Variants in AK8 observed in about 807,000 individuals in gnomAD.
AK8 encodes adenylate kinase 8, also known as ATP-AMP transphosphorylase 8.
A neutral mutation model predicts 54.6 loss-of-function variants in AK8; 44 were observed. The observed-to-expected ratio is 0.81, with a 90% confidence interval of 0.63 to 1.04. The LOEUF (loss-of-function observed/expected upper bound fraction) is 1.04. Ranked by LOEUF, AK8 falls within the 50% of genes least tolerant of loss-of-function variation. AK8 has a pLI of 0.00. For synonymous variants in AK8, 239 were observed against 245.6 expected (o/e 0.97, Z 0.25); for missense variants, 555 against 613.6 (o/e 0.90, Z 1.01).
intron 10 of AK8, among the ~76,000 whole-genome samples, chr9:132,795,311 G>A (rs1389925713): frequency 2.0e-5 from 3 of 149,120 alleles, no homozygotes; most frequent in African/African-American, 5.2e-5. Context: ...ACAGTGTTGG[G>A]GCTCCCCTCC....
intron 4 of AK8, among the ~76,000 whole-genome samples, chr9:132,859,360 C>T (rs2131398728): frequency 6.6e-6 from 1 of 152,158 alleles, no homozygotes. Flanking sequence ...GCTCAGCCTC[C>T]CAGGCAGCAG....
At chr9:132,809,259 C>T (rs1442979578) in intron 10 of AK8, among the ~76,000 whole-genome samples, 7 of 152,200 alleles carry the variant, frequency 4.6e-5, no homozygotes, top group Admixed American at 4.6e-4. Flanking sequence ...CACCAACCAG[C>T]AGCTCCTCTT....
intron 10 of AK8, among the ~76,000 whole-genome samples, chr9:132,800,987 C>T (rs529416614): frequency 1.2e-4 from 18 of 147,712 alleles, no homozygotes; most frequent in African/African-American, 3.0e-4. Flanking sequence ...TGCAGTGGCG[C>T]GATTTCGGAT....
At chr9:132,766,025 G>C (rs1838711833) in intron 11 of AK8, among the ~76,000 whole-genome samples, 1 of 152,178 alleles carries the variant, frequency 6.6e-6, no homozygotes, top group South Asian at 2.1e-4. Flanking sequence ...CAAAAAATTA[G>C]TAGCATTTCT....
chr9:132,785,360 C>T (rs1839649803), intron 11 of AK8, among the ~76,000 whole-genome samples: 1 of 152,178 alleles, frequency 6.6e-6, no homozygotes, highest in South Asian at 2.1e-4. Flanking sequence ...CCTCGGCCTC[C>T]CAAAGTGCTG....
At chr9:132,746,595 G>C (rs1384740107) in intron 11 of AK8, among the ~76,000 whole-genome samples, 1 of 152,224 alleles carries the variant, frequency 6.6e-6, no homozygotes, top group Non-Finnish European at 1.5e-5. Flanking sequence ...TTGCGCAACA[G>C]GGAGGCTCTA....
intron 5 of AK8, among the ~76,000 whole-genome samples, chr9:132,848,128 AAAAAAAAAAAAAAAAG>A (rs1842828474): frequency 1.4e-5 from 2 of 145,382 alleles, no homozygotes; most frequent in Non-Finnish European, 3.0e-5. Flanking sequence ...AAAAAAAAAA[AAAAAAAAAAAAAAAAG>A]ATTGAAGAGA....
intron 2 of AK8, among the ~76,000 whole-genome samples, chr9:132,868,638 G>C (rs2131428484): frequency 6.6e-6 from 1 of 152,176 alleles, no homozygotes; most frequent in East Asian, 1.9e-4. Flanking sequence ...AGGTGGAGTT[G>C]CTGTCCCCAC....
chr9:132,839,020 T>C (rs1045891092), intron 5 of AK8, among the ~76,000 whole-genome samples: 5 of 151,676 alleles, frequency 3.3e-5, no homozygotes, highest in African/African-American at 7.3e-5. Flanking sequence ...TCTCGGCTCA[T>C]TGCAACTCTG....
At chr9:132,765,686 T>C (rs1002005536) in intron 11 of AK8, among the ~76,000 whole-genome samples, 9 of 152,132 alleles carry the variant, frequency 5.9e-5, no homozygotes, top group Non-Finnish European at 8.8e-5. Context: ...AGTATATACC[T>C]TAACACAATA....
chr9:132,836,421 A>G (rs1842325560), intron 5 of AK8, among the ~76,000 whole-genome samples: 1 of 152,242 alleles, frequency 6.6e-6, no homozygotes, highest in Non-Finnish European at 1.5e-5. Context: ...AAGGAGTCCC[A>G]CTTAAGTTTG....
Position 132,725,689 on chromosome 9 carries a change from C to A in AK8, c.1439G>T (p.Ter480LeuextTer?). ...GCAGCGCTCCTGGCTCTGAACCCAT[C>A]AGGGGATTTTCTTGGGCAGGGGATT... is the stretch of plus-strand genomic sequence containing the variant. ...IINPLPKKIP[*>L] The change falls in exon 13 of 13, where the codon TGA becomes TTA. Residue 480 changes from the stop codon to leucine, a stop_lost. Coordinates refer to ENST00000298545, the MANE Select transcript of AK8 (RefSeq NM_152572.3). 1 of 1,572,210 alleles carries A rather than the reference C, an allele frequency of 6.4e-7. No individual in the cohort carries two copies. Among genetic ancestry groups the A allele is most frequent in the Non-Finnish European group, 8.7e-7 (1 of 1,155,412 alleles).
intron 11 of AK8, among the ~76,000 whole-genome samples, chr9:132,729,626 G>A (rs796973891): frequency 3.3e-5 from 5 of 152,154 alleles, no homozygotes; most frequent in African/African-American, 7.2e-5. Flanking sequence ...GCTGTGTCTC[G>A]GACACAGCAG....
rs1447826582 is a variant in AK8 at position 132,799,643 on chromosome 9, C to G, written c.980-6868G>C. 8.6e-5 allele frequency among the ~76,000 whole-genome samples: 13 copies of G among 151,962 alleles called. No individual in the cohort carries two copies. The highest frequency in any genetic ancestry group is 2.9e-4 in the African/African-American group (12 of 41,342). On this transcript the variant is annotated intron_variant, in intron 10 of 12. Transcript: ENST00000298545. This position sits in a 1 kb window ranked among gnomAD's most constrained non-coding sequence, Gnocchi z 5.0. Reference sequence around the variant, plus strand: ...ACACCCCCACACCCCTACACCCCACCACGTGCACAACACATACTGTATACC... The same window carrying G: ...ACACCCCCACACCCCTACACCCCACGACGTGCACAACACATACTGTATACC...
At position 132,770,135 on chromosome 9, in the gene AK8, G is replaced by A. The variant is rs1164337099; in HGVS notation, c.1121+22499C>T. ...AGCCCACTGTCCCCACCCATCGTGG[G>A]GACCGGGCTAGGGAGGGAAACGGAA... On this transcript the variant is annotated intron_variant, in intron 11 of 12. Coordinates refer to ENST00000298545, the MANE Select transcript of AK8 (RefSeq NM_152572.3). This position sits in a 1 kb window ranked among gnomAD's most constrained non-coding sequence, Gnocchi z 4.3. The A allele has an allele frequency of 6.6e-6, 1 of 152,276 alleles. No individual in the cohort carries two copies. Among genetic ancestry groups the A allele is most frequent in the Non-Finnish European group, 1.5e-5 (1 of 68,082 alleles). 9.4% of individuals were successfully genotyped at this position (152,276 alleles called of 1,614,324 possible). A position where few individuals can be genotyped will look rare whatever the true frequency, so the allele number is the denominator to read the frequency against.
intron 4 of AK8, among the ~76,000 whole-genome samples, chr9:132,857,303 G>A (rs1403210424): frequency 6.6e-6 from 1 of 152,224 alleles, no homozygotes; most frequent in Non-Finnish European, 1.5e-5. Flanking sequence ...AAGTTTTCAA[G>A]GGACGCGGAC....
chr9:132,774,738 C>T (rs760879474), intron 11 of AK8, among the ~76,000 whole-genome samples: 5 of 152,154 alleles, frequency 3.3e-5, no homozygotes, highest in Non-Finnish European at 7.3e-5. Flanking sequence ...CCAACTACCC[C>T]GGGCTCTGTT....
In AK8 at chr9:132,730,400, G is replaced by C. The variant is rs189037068; in HGVS notation, c.1122-2866C>G. On this transcript the variant is annotated intron_variant, in intron 11 of 12. Coordinates refer to ENST00000298545, the MANE Select transcript of AK8 (RefSeq NM_152572.3). ...AAATGAACCAACCCATGGTATCCAGGCCTAGAATTCTTTTTAAAGTCTCTG... is the reference window on the plus strand; with the variant it reads ...AAATGAACCAACCCATGGTATCCAGCCCTAGAATTCTTTTTAAAGTCTCTG... 4.1e-4 allele frequency among the ~76,000 whole-genome samples: 62 copies of C among 150,510 alleles called. 1 individual carries two copies. In the East Asian group the frequency reaches 0.011, roughly 27 times the overall value.
chr9:132,729,976 A>G (rs1224465266), intron 11 of AK8, among the ~76,000 whole-genome samples: 1 of 152,168 alleles, frequency 6.6e-6, no homozygotes, highest in Non-Finnish European at 1.5e-5. Context: ...AAAATCCCAA[A>G]TGTGGAGATC....
Sources: gnomAD v4.1 joint callset for allele counts (sites outside exome capture counted in the v4.1 genomes callset) on GRCh38, gnomAD v4.1.1 for gene constraint, Gnocchi (gnomAD v3.1) non-coding constraint, MANE v1.5 for transcripts, NCBI Gene and HGNC (gene_info 2026-07-23, HGNC 2026-07-21) for gene names.